DLGAP2: variants seen among roughly 807,000 people sequenced by gnomAD.
The protein encoded by DLGAP2 is disks large-associated protein 2.
In DLGAP2, 26 loss-of-function variants were observed where a neutral mutation model predicts 100.3. The ratio of observed to expected loss-of-function variants is 0.26; its 90% CI spans 0.19 to 0.36. DLGAP2 has a LOEUF of 0.36. Among genes scored for constraint, DLGAP2 ranks in the 10% least tolerant of loss-of-function variants. The probability of loss-of-function intolerance (pLI) is 1.00; values close to 1 mark genes in which losing one functional copy is unlikely to be tolerated. For synonymous variants in DLGAP2, 886 were observed against 630.1 expected (o/e 1.41, Z -6.08); for missense variants, 1,858 against 1,453.2 (o/e 1.28, Z -4.53).
At chr8:1,451,564 T>G (rs1289244124) in intron 3 of DLGAP2, among the ~76,000 whole-genome samples, 2 of 152,016 alleles carry the variant, frequency 1.3e-5, no homozygotes, top group Non-Finnish European at 2.9e-5. Context: ...GCCTCTGGCC[T>G]CATCAAATCC....
intron 1 of DLGAP2, among the ~76,000 whole-genome samples, chr8:809,330 C>A (rs150618657): frequency 6.6e-6 from 1 of 152,340 alleles, no homozygotes; most frequent in East Asian, 1.9e-4. Context: ...GGTTCTTTCT[C>A]ACTATTTGAA....
In DLGAP2 at chr8:1,664,043, T is replaced by C. The variant is rs75797661; in HGVS notation, c.1811-4286T>C. 7.7e-3 allele frequency among the ~76,000 whole-genome samples: 1,172 copies of C among 152,298 alleles called. 18 individuals are homozygous for C. Among genetic ancestry groups the C allele is most frequent in the African/African-American group, 0.027 (1,108 of 41,560 alleles). ...TTATGCCAGAGAATAGTGGTTTTGT[T>C]GATGACAACTGATCCACTGATACCA... On this transcript the variant is annotated intron_variant, in intron 8 of 14. Transcript: ENST00000637795.
rs1799632120 is a variant in DLGAP2, at chr8:1,703,644, T to C, written c.*2238T>C. On this transcript the variant is annotated 3_prime_UTR_variant, in exon 15 of 15. Coordinates refer to ENST00000637795, the MANE Select transcript of DLGAP2 (RefSeq NM_001346810.2). ...ACTGGCAGCTGATACGTTTAACTCA[T>C]TTCCTTGAGCTTATACAAAACATAG... 1 of 152,212 alleles carries C rather than the reference T, an allele frequency of 6.6e-6. No homozygotes were observed. 9.4% of individuals were successfully genotyped at this position (152,212 alleles called of 1,614,324 possible).
intron 2 of DLGAP2, among the ~76,000 whole-genome samples, chr8:1,179,998 A>G (rs924261155): frequency 6.6e-6 from 1 of 152,238 alleles, no homozygotes; most frequent in African/African-American, 2.4e-5. Context: ...GGTGTTTTAT[A>G]CTAGCCAGTT....
chr8:846,497 G>C (rs1797074117), intron 1 of DLGAP2, among the ~76,000 whole-genome samples: 1 of 152,160 alleles, frequency 6.6e-6, no homozygotes, highest in Admixed American at 6.5e-5. Flanking sequence ...GTATTCCACT[G>C]TCTATAAGTA....
At chr8:1,499,456 A>G (rs1799644027) in intron 3 of DLGAP2, among the ~76,000 whole-genome samples, 1 of 152,234 alleles carries the variant, frequency 6.6e-6, no homozygotes, top group South Asian at 2.1e-4. Flanking sequence ...TTACTCACAC[A>G]TATGACGATG....
intron 3 of DLGAP2, among the ~76,000 whole-genome samples, chr8:1,445,500 T>G (rs546807572): frequency 6.6e-6 from 1 of 152,124 alleles, no homozygotes; most frequent in African/African-American, 2.4e-5. Context: ...TGTTGGACAT[T>G]TGGGTTGGTT....
At chr8:1,466,060 C>T (rs575213061) in intron 3 of DLGAP2, among the ~76,000 whole-genome samples, 1 of 152,138 alleles carries the variant, frequency 6.6e-6, no homozygotes, top group African/African-American at 2.4e-5. Context: ...TCCATCGTGA[C>T]AGCGCCGTCT....
At chr8:1,317,688 C>G (rs1800792526) in intron 3 of DLGAP2, among the ~76,000 whole-genome samples, 2 of 131,364 alleles carry the variant, frequency 1.5e-5, no homozygotes, top group African/African-American at 6.3e-5. Flanking sequence ...CAGCGTCTCT[C>G]CAACAGTGGT....
intron 2 of DLGAP2, among the ~76,000 whole-genome samples, chr8:1,158,313 G>A (rs780514934): frequency 9.2e-5 from 14 of 152,152 alleles, no homozygotes; most frequent in African/African-American, 1.9e-4. Context: ...CATTATGTGC[G>A]TACATGTATC....
intron 3 of DLGAP2, among the ~76,000 whole-genome samples, chr8:1,340,435 T>A (rs185910905): frequency 2.6e-5 from 4 of 152,288 alleles, no homozygotes; most frequent in Admixed American, 2.6e-4. Flanking sequence ...ACAGACACTT[T>A]TCAAAAGAAG....
At chr8:961,656 T>C (rs1313274080) in intron 2 of DLGAP2, among the ~76,000 whole-genome samples, 2 of 152,252 alleles carry the variant, frequency 1.3e-5, no homozygotes, top group Admixed American at 6.5e-5. Flanking sequence ...TTAGAATTAA[T>C]ACATTTTCAA....
chr8:1,123,047 G>C (rs1473605929), intron 2 of DLGAP2, among the ~76,000 whole-genome samples: 1 of 152,064 alleles, frequency 6.6e-6, no homozygotes, highest in African/African-American at 2.4e-5. Context: ...CTGGGTTGGG[G>C]GCACTAAATA....
intron 2 of DLGAP2, among the ~76,000 whole-genome samples, chr8:1,022,557 G>C (rs1041691895): frequency 5.0e-5 from 7 of 139,912 alleles, no homozygotes; most frequent in Non-Finnish European, 1.1e-4. Context: ...GGACGGTCAC[G>C]TGCCGAGGTA....
chr8:1,479,311 C>A (rs1563173230), intron 3 of DLGAP2, among the ~76,000 whole-genome samples: 2 of 152,200 alleles, frequency 1.3e-5, no homozygotes, highest in Admixed American at 1.3e-4. Context: ...ATGCTGGGCG[C>A]AGGGATGATT....
At chr8:805,418 G>A (rs1796249474) in intron 1 of DLGAP2, among the ~76,000 whole-genome samples, 1 of 151,960 alleles carries the variant, frequency 6.6e-6, no homozygotes, top group African/African-American at 2.4e-5. Context: ...TCATCTTTGG[G>A]GCCACTACGT....
chr8:1,243,844 A>T (rs1231413271), intron 2 of DLGAP2, among the ~76,000 whole-genome samples: 1 of 152,162 alleles, frequency 6.6e-6, no homozygotes, highest in East Asian at 1.9e-4. Flanking sequence ...CCTTTTCTTC[A>T]GGCCCCTGAG....
At chr8:997,455 CA>C (rs1417288107) in intron 2 of DLGAP2, among the ~76,000 whole-genome samples, 2 of 152,122 alleles carry the variant, frequency 1.3e-5, no homozygotes, top group Non-Finnish European at 2.9e-5. Context: ...GAGAAGACAA[CA>C]ACTGATCACA....
intron 3 of DLGAP2, among the ~76,000 whole-genome samples, chr8:1,411,798 A>G (rs896000488): frequency 6.6e-6 from 1 of 152,206 alleles, no homozygotes; most frequent in Admixed American, 6.5e-5. Context: ...CTGCGCATGA[A>G]GTCTCTCTCA....
Sources: gnomAD v4.1 joint callset for allele counts (sites outside exome capture counted in the v4.1 genomes callset) on GRCh38, gnomAD v4.1.1 for gene constraint, MANE v1.5 for transcripts, NCBI Gene and HGNC (gene_info 2026-07-23, HGNC 2026-07-21) for gene names.